Variants in EIF2AK1 observed in about 807,000 individuals in gnomAD.
EIF2AK1 encodes the protein eukaryotic translation initiation factor 2-alpha kinase 1.
Under a neutral mutation model 77.9 loss-of-function variants are expected in EIF2AK1, and 54 were observed. That is an observed-to-expected ratio of 0.69 (90% CI 0.56 to 0.87). EIF2AK1 has a LOEUF of 0.87. Among genes scored for constraint, EIF2AK1 ranks in the 40% least tolerant of loss-of-function variants. EIF2AK1 has a pLI of 0.00. For synonymous variants in EIF2AK1, 314 were observed against 290.5 expected (o/e 1.08, Z -0.82); for missense variants, 810 against 768.6 (o/e 1.05, Z -0.64).
intron 9 of EIF2AK1, among the ~76,000 whole-genome samples, chr7:6,040,423 G>C (rs1283200351): frequency 6.6e-6 from 1 of 152,126 alleles, no homozygotes; most frequent in African/African-American, 2.4e-5. Context: ...GCCATGGAAG[G>C]AGGGTTGTAT....
Position 6,026,843 on chromosome 7 carries a change from C to T in EIF2AK1, c.1649G>A (p.Arg550His), listed in dbSNP as rs371149510. Residue 550 changes from arginine to histidine, a missense_variant, in exon 14 of 15, where the codon CGT becomes CAT. Arg to His is a conservative substitution (Grantham distance 29, BLOSUM62 0). Transcript: ENST00000199389. Reference sequence around the variant, plus strand: ...CTTGGCTTGCACTGGACACCTTTTACGGAGGGATTCCGGCAACTGACCAGT... The same window carrying T: ...CTTGGCTTGCACTGGACACCTTTTATGGAGGGATTCCGGCAACTGACCAGT... ...LRTGQLPESLRKRCPVQAKYI... is the reference protein window; with the variant it reads ...LRTGQLPESLHKRCPVQAKYI... The T allele has an allele frequency of 6.2e-6, 10 of 1,614,044 alleles. No homozygotes were observed. Among genetic ancestry groups the T allele is most frequent in the African/African-American group, 2.7e-5 (2 of 74,920 alleles).
chr7:6,035,459 C>T lies in EIF2AK1; in HGVS notation c.1332+1965G>A. ...CCCATTCTAGGGACACGACAGGCCTCACCACACTCAACTTAATGCTACTGC... is the reference window on the plus strand; with the variant it reads ...CCCATTCTAGGGACACGACAGGCCTTACCACACTCAACTTAATGCTACTGC... On this transcript the variant is annotated intron_variant, in intron 11 of 14. Coordinates refer to ENST00000199389, the MANE Select transcript of EIF2AK1 (RefSeq NM_014413.4). This position sits in a 1 kb window ranked among gnomAD's most constrained non-coding sequence, Gnocchi z 5.5. The T allele has an allele frequency of 6.4e-7, 1 of 1,550,558 alleles. No homozygotes were observed. The highest frequency in any genetic ancestry group is 8.7e-7 in the Non-Finnish European group (1 of 1,146,792).
chr7:6,034,264 G>A (rs1033425480), intron 11 of EIF2AK1, among the ~76,000 whole-genome samples: 5 of 151,886 alleles, frequency 3.3e-5, no homozygotes, highest in Middle Eastern at 3.2e-3. Context: ...CCAAAATCAC[G>A]CCACCACACT....
intron 11 of EIF2AK1, chr7:6,031,564 C>G (rs766037910): frequency 6.4e-7 from 1 of 1,550,766 alleles, no homozygotes; most frequent in African/African-American, 1.4e-5. Flanking sequence ...TGCCCAACTC[C>G]GCCAGCAACA....
At chr7:6,047,787 A>AC (rs1403406818) in intron 4 of EIF2AK1, 3 of 153,672 alleles carry the variant, frequency 2.0e-5, no homozygotes, top group Non-Finnish European at 4.3e-5. Context: ...TGATCCTGCT[A>AC]CTGAGCAGCA....
In EIF2AK1 at chr7:6,027,316, G is replaced by A. The variant is rs1787775120; in HGVS notation, c.1531-355C>T. On this transcript the variant is annotated intron_variant, in intron 13 of 14. Coordinates refer to ENST00000199389, the MANE Select transcript of EIF2AK1 (RefSeq NM_014413.4). This position sits in a 1 kb window ranked among gnomAD's most constrained non-coding sequence, Gnocchi z 4.5. ...TGTCAGCTGCGGGGGAGCCACAGAAGGTCGCGGGTTCTCCTCCGGTCTCAC... is the reference window on the plus strand; with the variant it reads ...TGTCAGCTGCGGGGGAGCCACAGAAAGTCGCGGGTTCTCCTCCGGTCTCAC... Among the ~76,000 whole-genome samples, 1 of 152,166 alleles carries A rather than the reference G, an allele frequency of 6.6e-6. No individual in the cohort carries two copies. The highest frequency in any genetic ancestry group is 2.4e-5 in the African/African-American group (1 of 41,436).
intron 11 of EIF2AK1, chr7:6,031,325 A>C: frequency 6.7e-7 from 1 of 1,499,190 alleles, no homozygotes; most frequent in Non-Finnish European, 9.1e-7. Context: ...AAGAGACTGA[A>C]ACTGACCAAT....
At chr7:6,054,861 T>C (rs1248465397) in intron 1 of EIF2AK1, among the ~76,000 whole-genome samples, 157 bp from the exon 2 acceptor site, 2 of 152,090 alleles carry the variant, frequency 1.3e-5, no homozygotes, top group Non-Finnish European at 2.9e-5. Context: ...CAAGAAAGGC[T>C]TTCTGGAAGT....
chr7:6,032,758 C>G lies in EIF2AK1; in HGVS notation c.1333-3726G>C. ...AATGAGACACTAAATAAATGTATTG[C>G]CTTTGAAACGGCAAGCTAACACAAA... On this transcript the variant is annotated intron_variant, in intron 11 of 14. Coordinates refer to ENST00000199389, the MANE Select transcript of EIF2AK1 (RefSeq NM_014413.4). The surrounding 1 kb of genome is among the most constrained non-coding windows in gnomAD (Gnocchi z 4.3). The G allele has an allele frequency of 1.7e-6, 2 of 1,171,998 alleles. No individual in the cohort carries two copies. Among genetic ancestry groups the G allele is most frequent in the Non-Finnish European group, 2.5e-6 (2 of 816,182 alleles). 72.6% of individuals were successfully genotyped at this position (1,171,998 alleles called of 1,614,324 possible).
chr7:6,031,634 C>T, intron 11 of EIF2AK1: 1 of 1,540,028 alleles, frequency 6.5e-7, no homozygotes, highest in Non-Finnish European at 8.8e-7. Context: ...AAAAGTCAGG[C>T]TGCTTAGAAA....
chr7:6,054,666 GTTCTT>G lies in EIF2AK1; in HGVS notation c.152_156del (p.Lys51ThrfsTer29). On this transcript the variant is annotated frameshift_variant, in exon 2 of 15. Transcript: ENST00000199389. LOFTEE classifies it high-confidence loss of function. ...AAAGGGAAGGTTGGCTGTTGTAGGG[GTTCTT>G]TTAACACCTGGATTTCTGCTGGAAC... 1 of 1,614,068 alleles carries G rather than the reference GTTCTT, an allele frequency of 6.2e-7. No homozygotes were observed. The highest frequency in any genetic ancestry group is 2.2e-5 in the East Asian group (1 of 44,886).
At chr7:6,056,005 A>AC (rs1274156376) in intron 1 of EIF2AK1, among the ~76,000 whole-genome samples, 18 of 146,750 alleles carry the variant, frequency 1.2e-4, no homozygotes, top group African/African-American at 4.5e-4. Flanking sequence ...AAAAAAAAAA[A>AC]AAACTAGCTG....
chr7:6,038,616 C>T lies in EIF2AK1; in HGVS notation c.1175G>A (p.Trp392Ter). 6.8e-6 allele frequency: 11 copies of T among 1,613,340 alleles called. No homozygotes were observed. The highest frequency in any genetic ancestry group is 9.3e-6 in the Non-Finnish European group (11 of 1,179,660). ...CTTGTTTCTCTCGACTATCCAATCC[C>T]ACAGCGAGAGCTCACACAGCTGCAT... is the stretch of plus-strand genomic sequence containing the variant. Reference protein sequence around the residue: ...IQMQLCELSLWDWIVERNKRG... With the variant: ...IQMQLCELSL The change falls in exon 10 of 15, where the codon TGG becomes TAG. Residue 392 changes from tryptophan to a stop codon, truncating the protein, a stop_gained. Coordinates refer to ENST00000199389, the MANE Select transcript of EIF2AK1 (RefSeq NM_014413.4). LOFTEE classifies it high-confidence loss of function.
rs1788885210 is a variant in EIF2AK1, at chr7:6,059,147, C to T, written c.-64G>A. ...AGCCCAGCACTGCCACACTCCGATG[C>T]TGCAGCTAGCGCCGTCCGACCCGGA... On this transcript the variant is annotated 5_prime_UTR_variant, in exon 1 of 15. Coordinates refer to ENST00000199389, the MANE Select transcript of EIF2AK1 (RefSeq NM_014413.4). The T allele has an allele frequency of 8.9e-7, 1 of 1,125,432 alleles. No individual in the cohort carries two copies. The allele number at this position is 1,125,432 out of a possible 1,614,324, so 69.7% of individuals were successfully genotyped here.
Position 6,024,089 on chromosome 7 carries a change from G to A in EIF2AK1, c.*584C>T. 7.7e-7 allele frequency: 1 copy of A among 1,300,516 alleles called. No homozygotes were observed. The allele number at this position is 1,300,516 out of a possible 1,614,324, so 80.6% of individuals were successfully genotyped here. A position where few individuals can be genotyped will look rare whatever the true frequency, so the allele number is the denominator to read the frequency against. The stretch of plus-strand genomic sequence containing the variant: ...GGGTGCGGAGTACAAAGCTTTGCAA[G>A]GGTGTGGTTTTGGAATGACGCTAAA... On this transcript the variant is annotated 3_prime_UTR_variant, in exon 15 of 15. Transcript: ENST00000199389.
chr7:6,032,960 ATTTC>A lies in EIF2AK1; in HGVS notation c.1333-3932_1333-3929del. ...AGGTAAGTTAACTCCACCGAAAATC[ATTTC>A]TTTTTTTTTCTTTTTTGTTTTGAGG... is the stretch of plus-strand genomic sequence containing the variant. On this transcript the variant is annotated intron_variant, in intron 11 of 14. Transcript: ENST00000199389. This position sits in a 1 kb window ranked among gnomAD's most constrained non-coding sequence, Gnocchi z 4.3. 6.5e-7 allele frequency: 1 copy of A among 1,533,882 alleles called. No individual in the cohort carries two copies. The highest frequency in any genetic ancestry group is 8.8e-7 in the Non-Finnish European group (1 of 1,133,604).
Position 6,059,041 on chromosome 7 carries a change from C to T in EIF2AK1, c.43G>A (p.Gly15Ser), listed in dbSNP as rs1024285559. ...GCAGCCACAGCCCCAGCCCCGTCGC[C>T]CTCCTCTTCGCGCTTGCGGACCCCG... The part of the protein sequence containing the change: ...NSGVRKREEE[G>S]DGAGAVAAPP... Residue 15 changes from glycine (G) to serine (S), a missense_variant, in exon 1 of 15, where the codon GGC becomes AGC. Gly to Ser is a moderately conservative substitution (Grantham distance 56, BLOSUM62 0). Transcript: ENST00000199389. The T allele has an allele frequency of 7.9e-6, 12 of 1,512,352 alleles. No individual in the cohort carries two copies. The African/African-American group carries it at 1.4e-4, about 18-fold the overall frequency. 93.7% of individuals were successfully genotyped at this position (1,512,352 alleles called of 1,614,324 possible). A position where few individuals can be genotyped will look rare whatever the true frequency, so the allele number is the denominator to read the frequency against.
rs1133132 is a variant in EIF2AK1, at chr7:6,022,284, T to C, written c.*2389A>G. ...CATTTTCTCAAGTTTATTGTAAGAA[T>C]ATAGCATATAATATACAGACCATAC... On this transcript the variant is annotated 3_prime_UTR_variant, in exon 15 of 15. Transcript: ENST00000199389. 54,040 of 152,056 alleles carry C rather than the reference T, an allele frequency of 0.36. 10,399 individuals carry two copies. The highest frequency in any genetic ancestry group is 0.46 in the Middle Eastern group (137 of 296). The allele number at this position is 152,056 out of a possible 1,614,324, so 9.4% of individuals were successfully genotyped here.
chr7:6,028,570 C>T, intron 13 of EIF2AK1, 45 bp downstream of exon 13: 1 of 1,587,206 alleles, frequency 6.3e-7, no homozygotes, highest in South Asian at 1.1e-5. Flanking sequence ...TTATTTAAGA[C>T]TGCAGAATAA....
Sources: gnomAD v4.1 joint callset for allele counts (sites outside exome capture counted in the v4.1 genomes callset) on GRCh38, gnomAD v4.1.1 for gene constraint, Gnocchi (gnomAD v3.1) non-coding constraint, MANE v1.5 for transcripts, NCBI Gene and HGNC (gene_info 2026-07-23, HGNC 2026-07-21) for gene names.